Variants in TRIM33 observed in about 807,000 individuals in gnomAD.
The protein encoded by TRIM33 is tripartite motif containing 33.
A neutral mutation model predicts 125.4 loss-of-function variants in TRIM33; 20 were observed. The observed-to-expected ratio is 0.16, with a 90% CI of 0.11 to 0.23. TRIM33 has a LOEUF of 0.23. Ranked by LOEUF, TRIM33 falls within the 10% of genes least tolerant of loss-of-function variation. The pLI, the probability that TRIM33 is intolerant of heterozygous loss-of-function variation, is 1.00. For missense variants in TRIM33, 920 were observed against 1,411.4 expected, an observed-to-expected ratio of 0.65 and a Z score of 5.58; for synonymous variants, 564 against 513.9, an observed-to-expected ratio of 1.10 and a Z score of -1.32.
At chr1:114,462,081 C>T (rs1650035019) in intron 4 of TRIM33, among the ~76,000 whole-genome samples, 1 of 152,148 alleles carries the variant, frequency 6.6e-6, no homozygotes, top group African/African-American at 2.4e-5. Flanking sequence ...CTACCAATTA[C>T]TATGAGACTT....
intron 1 of TRIM33, among the ~76,000 whole-genome samples, chr1:114,509,262 C>A (rs1176323528): frequency 6.6e-6 from 1 of 152,230 alleles, no homozygotes; most frequent in Non-Finnish European, 1.5e-5. Context: ...TGCAGCTCCA[C>A]AATCGCTTAC....
intron 14 of TRIM33, among the ~76,000 whole-genome samples, chr1:114,406,298 A>T (rs1352525760): frequency 6.6e-6 from 1 of 152,198 alleles, no homozygotes; most frequent in Non-Finnish European, 1.5e-5. Flanking sequence ...TTGCTCTCTG[A>T]ATCTATATAT....
chr1:114,435,519 G>C (rs1648221215), intron 4 of TRIM33, among the ~76,000 whole-genome samples: 1 of 152,090 alleles, frequency 6.6e-6, no homozygotes, highest in African/African-American at 2.4e-5. Context: ...TCTCAGCTAA[G>C]GCAGACAAGA....
At chr1:114,442,169 C>A (rs910837907) in intron 4 of TRIM33, among the ~76,000 whole-genome samples, 2 of 152,118 alleles carry the variant, frequency 1.3e-5, no homozygotes, top group Non-Finnish European at 2.9e-5. Flanking sequence ...ATCTACCGAA[C>A]AAATGAGATC....
chr1:114,501,556 G>A (rs891626486), intron 1 of TRIM33, among the ~76,000 whole-genome samples: 1 of 152,056 alleles, frequency 6.6e-6, no homozygotes, highest in Non-Finnish European at 1.5e-5. Context: ...ATATTCTCTT[G>A]GTCACGGAGA....
chr1:114,485,522 CTCCCTGG>C (rs1355582693), intron 1 of TRIM33, among the ~76,000 whole-genome samples: 1 of 152,144 alleles, frequency 6.6e-6, no homozygotes, highest in Non-Finnish European at 1.5e-5. Flanking sequence ...CATTTCCTCC[CTCCCTGG>C]TATCACAAGG....
intron 1 of TRIM33, among the ~76,000 whole-genome samples, chr1:114,465,444 G>A (rs892117959): frequency 2.0e-5 from 3 of 152,284 alleles, no homozygotes; most frequent in Admixed American, 6.5e-5. Flanking sequence ...GTCCCCATGA[G>A]TTGTGTAGTA....
In TRIM33 at chr1:114,397,379, C is replaced by T; in HGVS notation, c.*269G>A. 2.2e-6 allele frequency: 1 copy of T among 463,234 alleles called. No homozygotes were observed. Among genetic ancestry groups the T allele is most frequent in the Admixed American group, 3.8e-5 (1 of 26,180 alleles). The allele number at this position is 463,234 out of a possible 1,614,324, so 28.7% of individuals were successfully genotyped here. On this transcript the variant is annotated 3_prime_UTR_variant, in exon 20 of 20. Coordinates refer to ENST00000358465, the MANE Select transcript of TRIM33 (RefSeq NM_015906.4). The stretch of plus-strand genomic sequence containing the variant: ...CCATTTCTAACAATCAGAGAATCAT[C>T]TCCATTAGAACAGAAATCCTCAAAT...
At chr1:114,458,263 C>T (rs1170187699) in intron 4 of TRIM33, among the ~76,000 whole-genome samples, 5 of 152,160 alleles carry the variant, frequency 3.3e-5, no homozygotes, top group African/African-American at 1.2e-4. Flanking sequence ...CCATTGTTCC[C>T]TGTCTTGTTT....
At chr1:114,418,459 T>C (rs939698549) in intron 11 of TRIM33, among the ~76,000 whole-genome samples, 4 of 152,180 alleles carry the variant, frequency 2.6e-5, no homozygotes, top group Non-Finnish European at 2.9e-5. Flanking sequence ...TAATTATTCC[T>C]GGGCTTGAGA....
intron 4 of TRIM33, among the ~76,000 whole-genome samples, chr1:114,461,552 A>G (rs937595804): frequency 1.3e-5 from 2 of 151,302 alleles, no homozygotes; most frequent in African/African-American, 4.9e-5. Context: ...ATAGGAGGAG[A>G]AAAAAAACAT....
intron 4 of TRIM33, among the ~76,000 whole-genome samples, chr1:114,458,773 G>A (rs1375617426): frequency 6.6e-6 from 1 of 152,110 alleles, no homozygotes; most frequent in Admixed American, 6.6e-5. Context: ...ATCTGTCTGG[G>A]TGATAACATA....
chr1:114,413,859 C>A (rs1652755585), intron 11 of TRIM33, among the ~76,000 whole-genome samples: 1 of 151,778 alleles, frequency 6.6e-6, no homozygotes, highest in Non-Finnish European at 1.5e-5. Flanking sequence ...CCCATCTCTA[C>A]AAAAGAAAAA....
chr1:114,470,553 AT>A lies in TRIM33; in HGVS notation c.527-6166del, dbSNP rs1260820393. On this transcript the variant is annotated intron_variant, in intron 1 of 19. Coordinates refer to ENST00000358465, the MANE Select transcript of TRIM33 (RefSeq NM_015906.4). ...ACCCTAATGCCTGAGACCAAACAATATTGAAATTAGGCCAATAAATAACCCT... is the reference window on the plus strand; with the variant it reads ...ACCCTAATGCCTGAGACCAAACAATATGAAATTAGGCCAATAAATAACCCT... 2.0e-5 allele frequency among the ~76,000 whole-genome samples: 3 copies of A among 152,074 alleles called. No individual in the cohort carries two copies. The East Asian group carries it at 5.8e-4, about 29-fold the overall frequency.
chr1:114,455,758 T>C (rs1247346315), intron 4 of TRIM33, among the ~76,000 whole-genome samples: 1 of 152,176 alleles, frequency 6.6e-6, no homozygotes, highest in African/African-American at 2.4e-5. Context: ...AAACTAACTA[T>C]GCTGTATTTT....
intron 1 of TRIM33, among the ~76,000 whole-genome samples, chr1:114,481,665 A>G (rs529927264): frequency 2.3e-4 from 30 of 130,720 alleles, no homozygotes; most frequent in African/African-American, 3.8e-4. Context: ...GTGTGTGTAT[A>G]TATATGTGTG....
intron 1 of TRIM33, among the ~76,000 whole-genome samples, chr1:114,486,546 C>CAAAAA (rs372795084): frequency 3.1e-5 from 2 of 65,260 alleles, no homozygotes; most frequent in African/African-American, 1.1e-4. Flanking sequence ...GACCCTATCT[C>CAAAAA]AAAAAAAAAA....
At chr1:114,501,890 T>C (rs895570956) in intron 1 of TRIM33, among the ~76,000 whole-genome samples, 1 of 152,234 alleles carries the variant, frequency 6.6e-6, no homozygotes, top group African/African-American at 2.4e-5. Context: ...GGGCATAGGC[T>C]TTAAATATTT....
chr1:114,437,711 T>C (rs1648395041), intron 4 of TRIM33, among the ~76,000 whole-genome samples: 2 of 152,022 alleles, frequency 1.3e-5, no homozygotes, highest in Admixed American at 1.3e-4. Flanking sequence ...TAAAATAAAG[T>C]AAAAATGATG....
Sources: allele counts gnomAD v4.1 joint callset (sites outside exome capture counted in the v4.1 genomes callset), GRCh38; gene constraint gnomAD v4.1.1; transcripts MANE v1.5; gene names NCBI Gene and HGNC (gene_info 2026-07-23, HGNC 2026-07-21).